VAV3: variants seen among roughly 807,000 people sequenced by gnomAD.
The protein encoded by VAV3 is guanine nucleotide exchange factor VAV3.
In VAV3, 94 loss-of-function variants were observed where a neutral mutation model predicts 131.2. The observed-to-expected ratio is 0.72, with a 90% CI of 0.61 to 0.85. The LOEUF is 0.85. Ranked by LOEUF, VAV3 falls within the 40% of genes least tolerant of loss-of-function variation. The pLI is 0.00. For missense variants in VAV3, 939 were observed against 1,002.7 expected (o/e 0.94, Z 0.86); for synonymous variants, 349 against 342.0 (o/e 1.02, Z -0.22).
chr1:107,752,120 A>T (rs1009774039), intron 12 of VAV3, among the ~76,000 whole-genome samples: 1 of 152,172 alleles, frequency 6.6e-6, no homozygotes, highest in African/African-American at 2.4e-5. Context: ...AATCAAAATC[A>T]TGCGGCACTG....
chr1:107,771,952 C>T (rs1180641362), intron 5 of VAV3, among the ~76,000 whole-genome samples: 2 of 152,202 alleles, frequency 1.3e-5, no homozygotes, highest in Non-Finnish European at 2.9e-5. Context: ...TGTTTCCATT[C>T]CACAGAAGCT....
chr1:107,781,515 T>C, intron 2 of VAV3, among the ~76,000 whole-genome samples: 1 of 152,296 alleles, frequency 6.6e-6, no homozygotes, highest in East Asian at 1.9e-4. Context: ...TCAATACATA[T>C]AATTTTTATT....
At chr1:107,834,832 A>G (rs1668401160) in intron 2 of VAV3, among the ~76,000 whole-genome samples, 4 of 152,028 alleles carry the variant, frequency 2.6e-5, no homozygotes, top group African/African-American at 9.7e-5. Context: ...AACAGCTCCT[A>G]AGGAAGAAGT....
chr1:107,715,574 T>C (rs1297540592), intron 15 of VAV3, among the ~76,000 whole-genome samples: 1 of 152,198 alleles, frequency 6.6e-6, no homozygotes, highest in Non-Finnish European at 1.5e-5. Context: ...TTTCAAACAC[T>C]GAGAATACAA....
chr1:107,647,157 C>A (rs916404083), intron 19 of VAV3, among the ~76,000 whole-genome samples: 3 of 150,736 alleles, frequency 2.0e-5, no homozygotes, highest in Non-Finnish European at 4.4e-5. Context: ...AGTATCTATT[C>A]ATGATGCTGT....
intron 2 of VAV3, among the ~76,000 whole-genome samples, chr1:107,799,497 T>C (rs1666727247): frequency 6.6e-6 from 1 of 152,126 alleles, no homozygotes. Context: ...GGCATAAATA[T>C]AGAATAATAT....
intron 20 of VAV3, among the ~76,000 whole-genome samples, chr1:107,628,275 T>C (rs1221373196): frequency 6.6e-6 from 1 of 151,912 alleles, no homozygotes; most frequent in Non-Finnish European, 1.5e-5. Flanking sequence ...AAAGTATCTG[T>C]AAAAAAAAGC....
chr1:107,951,599 C>A (rs889429870), intron 1 of VAV3, among the ~76,000 whole-genome samples: 8 of 152,136 alleles, frequency 5.3e-5, no homozygotes, highest in African/African-American at 1.9e-4. Context: ...TATCCAGCAT[C>A]TATAAGGAAC....
rs7553265 is a variant in VAV3, at chr1:107,740,374, G to A, written c.1502+8594C>T. Among the ~76,000 whole-genome samples, 7 of 152,124 alleles carry A rather than the reference G, an allele frequency of 4.6e-5. No individual in the cohort carries two copies. The South Asian group carries it at 6.2e-4, about 14-fold the overall frequency. On this transcript the variant is annotated intron_variant, in intron 15 of 26. Transcript: ENST00000370056. ...CATGGCTGCTACTGGCCTGGACTCC[G>A]TGGGACCTGTCCTTTTCAATAAACC...
At chr1:107,729,125 T>A (rs1351282872) in intron 15 of VAV3, among the ~76,000 whole-genome samples, 1 of 152,222 alleles carries the variant, frequency 6.6e-6, no homozygotes, top group Non-Finnish European at 1.5e-5. Flanking sequence ...GTATATTTTG[T>A]TATGTATGAA....
chr1:107,599,398 C>T (rs1212850022), intron 24 of VAV3, among the ~76,000 whole-genome samples: 2 of 152,124 alleles, frequency 1.3e-5, no homozygotes, highest in South Asian at 2.1e-4. Flanking sequence ...CAAAAGAAAT[C>T]GCTAAGCTTT....
At chr1:107,670,702 T>C (rs1012246775) in intron 19 of VAV3, among the ~76,000 whole-genome samples, 12 of 152,224 alleles carry the variant, frequency 7.9e-5, no homozygotes, top group African/African-American at 1.2e-4. Context: ...AAATGTTGAC[T>C]TAGTCCCAAA....
At chr1:107,889,023 T>C (rs1671180085) in intron 1 of VAV3, among the ~76,000 whole-genome samples, 2 of 152,128 alleles carry the variant, frequency 1.3e-5, no homozygotes, top group Admixed American at 6.6e-5. Context: ...GTCTGACTCC[T>C]GGGCCCATTC....
At chr1:107,740,119 T>C (rs921573461) in intron 15 of VAV3, among the ~76,000 whole-genome samples, 5 of 152,126 alleles carry the variant, frequency 3.3e-5, no homozygotes, top group Non-Finnish European at 7.4e-5. Flanking sequence ...AAACCCTGTC[T>C]CTACTAAAAA....
intron 19 of VAV3, among the ~76,000 whole-genome samples, chr1:107,681,767 C>T (rs1658633804): frequency 6.6e-6 from 1 of 151,572 alleles, no homozygotes; most frequent in African/African-American, 2.4e-5. Context: ...CATTCTCCTG[C>T]CTCAGCCTCC....
At chr1:107,638,188 T>C (rs1249421016) in intron 20 of VAV3, among the ~76,000 whole-genome samples, 1 of 152,186 alleles carries the variant, frequency 6.6e-6, no homozygotes, top group Non-Finnish European at 1.5e-5. Flanking sequence ...TATTTGACAT[T>C]TTACTGGACA....
At chr1:107,574,312 A>C in intron 25 of VAV3, 114 bp from the exon 26 acceptor site, 1 of 1,311,294 alleles carries the variant, frequency 7.6e-7, no homozygotes, top group Non-Finnish European at 1.0e-6. Context: ...ATTTCATTAC[A>C]GACCAGCGAT....
At chr1:107,781,228 A>AT (rs1557843031) in intron 2 of VAV3, among the ~76,000 whole-genome samples, 9 of 152,234 alleles carry the variant, frequency 5.9e-5, no homozygotes, top group African/African-American at 2.2e-4. Context: ...TGGAGTTACT[A>AT]AAAGAATTAA....
At chr1:107,617,527 A>C (rs1387435634) in intron 21 of VAV3, 40 bp downstream of exon 21, 7 of 1,574,014 alleles carry the variant, frequency 4.4e-6, no homozygotes, top group Non-Finnish European at 6.1e-6. Context: ...AGGATCAAAA[A>C]CAAAATGAAG....
Sources: gnomAD v4.1 joint callset for allele counts (sites outside exome capture counted in the v4.1 genomes callset) on GRCh38, gnomAD v4.1.1 for gene constraint, MANE v1.5 for transcripts, NCBI Gene and HGNC (gene_info 2026-07-23, HGNC 2026-07-21) for gene names.